The following TRAPPC3L variants were observed in gnomAD, a reference collection of about 807,000 sequenced individuals.
TRAPPC3L encodes trafficking protein particle complex subunit 3-like protein.
A neutral mutation model predicts 23.7 loss-of-function variants in TRAPPC3L; 23 were observed. That is an observed-to-expected ratio of 0.97 (90% confidence interval 0.70 to 1.37). TRAPPC3L has a LOEUF of 1.37. Ranked by LOEUF, TRAPPC3L falls within the 40% of genes most tolerant of loss-of-function variation. The probability of loss-of-function intolerance (pLI) is 0.00; values close to 1 mark genes in which losing one functional copy is unlikely to be tolerated. For synonymous variants in TRAPPC3L, 81 were observed against 77.9 expected (o/e 1.04, Z -0.21); for missense variants, 212 against 216.8 (o/e 0.98, Z 0.14).
chr6:116,506,503 C>T (rs1411916730), intron 3 of TRAPPC3L, among the ~76,000 whole-genome samples: 1 of 152,166 alleles, frequency 6.6e-6, no homozygotes, highest in Non-Finnish European at 1.5e-5. Flanking sequence ...ACCCAGCGAT[C>T]CCATTACTGG....
chr6:116,539,744 CG>C (rs1431108404), intron 3 of TRAPPC3L, among the ~76,000 whole-genome samples: 5 of 152,188 alleles, frequency 3.3e-5, no homozygotes, highest in Admixed American at 2.0e-4. Flanking sequence ...TGGAGACACG[CG>C]TATCTTCTGA....
At chr6:116,509,591 A>G (rs985242251) in intron 3 of TRAPPC3L, among the ~76,000 whole-genome samples, 3 of 152,196 alleles carry the variant, frequency 2.0e-5, no homozygotes, top group Admixed American at 6.5e-5. Flanking sequence ...CACTGTATCC[A>G]TTAAAAGGTG....
intron 3 of TRAPPC3L, among the ~76,000 whole-genome samples, chr6:116,507,071 G>C (rs1363592192): frequency 6.6e-6 from 1 of 150,558 alleles, no homozygotes; most frequent in African/African-American, 2.4e-5. Flanking sequence ...TATTGTAAGA[G>C]GATAATTTTC....
At chr6:116,512,055 T>C (rs756375802) in intron 3 of TRAPPC3L, 17 of 1,614,010 alleles carry the variant, frequency 1.1e-5, no homozygotes, top group Non-Finnish European at 1.4e-5. Context: ...GTGGCTCTGC[T>C]CAATGGAACT....
chr6:116,537,726 T>C (rs997150072), intron 3 of TRAPPC3L, among the ~76,000 whole-genome samples: 12 of 152,180 alleles, frequency 7.9e-5, no homozygotes. Flanking sequence ...GGCTACCTCC[T>C]GCAGAAGAAA....
chr6:116,502,746 C>A (rs978382358), intron 3 of TRAPPC3L, among the ~76,000 whole-genome samples: 5 of 152,178 alleles, frequency 3.3e-5, no homozygotes, highest in African/African-American at 1.2e-4. Flanking sequence ...AAAGTATTTT[C>A]AACACAGAAT....
chr6:116,508,034 T>C (rs1772036636), intron 3 of TRAPPC3L, among the ~76,000 whole-genome samples: 1 of 152,226 alleles, frequency 6.6e-6, no homozygotes, highest in Non-Finnish European at 1.5e-5. Flanking sequence ...AATGAAATTT[T>C]GTCAGCTTGA....
chr6:116,536,884 C>G (rs888463229), intron 3 of TRAPPC3L, among the ~76,000 whole-genome samples: 5 of 152,132 alleles, frequency 3.3e-5, no homozygotes, highest in Non-Finnish European at 7.3e-5. Flanking sequence ...TCTGCCTCCT[C>G]TGAGGAGAGT....
intron 3 of TRAPPC3L, among the ~76,000 whole-genome samples, chr6:116,507,313 T>G (rs1451415089): frequency 6.6e-6 from 1 of 152,158 alleles, no homozygotes; most frequent in African/African-American, 2.4e-5. Flanking sequence ...TAGGGGCAGA[T>G]TAGACCCAAG....
intron 3 of TRAPPC3L, among the ~76,000 whole-genome samples, chr6:116,509,577 A>G (rs1469812493): frequency 6.6e-6 from 1 of 152,206 alleles, no homozygotes; most frequent in Non-Finnish European, 1.5e-5. Flanking sequence ...AACTGGGGAA[A>G]GGACACTGTA....
intron 3 of TRAPPC3L, among the ~76,000 whole-genome samples, chr6:116,538,344 T>A (rs543552029): frequency 3.5e-4 from 54 of 152,366 alleles, no homozygotes; most frequent in African/African-American, 1.1e-3. Flanking sequence ...TCTCTGACCC[T>A]ACATCGTGTG....
At chr6:116,544,506 A>C (rs1261701172) in intron 1 of TRAPPC3L, among the ~76,000 whole-genome samples, 1 of 152,170 alleles carries the variant, frequency 6.6e-6, no homozygotes, top group Non-Finnish European at 1.5e-5. Context: ...GGAAAGGTCA[A>C]CATAAGTTTA....
rs975525934 is a variant in TRAPPC3L, at chr6:116,512,416, T to A, written c.241-11750A>T. On this transcript the variant is annotated intron_variant, in intron 3 of 4. Coordinates refer to ENST00000368602, the MANE Select transcript of TRAPPC3L (RefSeq NM_001139444.3). ...GCTTTTGAAAGGCTGGGTGGCTCAA[T>A]AAAGTTGCTGACTGGATTATCTCTT... 9 of 647,710 alleles carry A rather than the reference T, an allele frequency of 1.4e-5. No homozygotes were observed. The Admixed American group carries it at 1.8e-4, about 13-fold the overall frequency. The allele number at this position is 647,710 out of a possible 1,614,324, so 40.1% of individuals were successfully genotyped here.
intron 3 of TRAPPC3L, among the ~76,000 whole-genome samples, chr6:116,531,834 C>T (rs1250483509): frequency 6.7e-6 from 1 of 150,216 alleles, no homozygotes; most frequent in African/African-American, 2.4e-5. Flanking sequence ...ATGGAAAAAA[C>T]AATAATAAAT....
intron 3 of TRAPPC3L, among the ~76,000 whole-genome samples, chr6:116,525,539 G>A (rs887156638): frequency 1.3e-5 from 2 of 152,078 alleles, no homozygotes; most frequent in African/African-American, 4.8e-5. Context: ...ATATTTTAGA[G>A]TCCACCTTTC....
At chr6:116,508,970 A>G (rs1370388451) in intron 3 of TRAPPC3L, among the ~76,000 whole-genome samples, 2 of 152,158 alleles carry the variant, frequency 1.3e-5, no homozygotes, top group African/African-American at 4.8e-5. Context: ...AGATTTGATA[A>G]ATGAATTTAG....
intron 3 of TRAPPC3L, among the ~76,000 whole-genome samples, chr6:116,505,505 T>C (rs1037988466): frequency 3.9e-5 from 6 of 152,172 alleles, no homozygotes; most frequent in African/African-American, 2.4e-5. Context: ...CTTCACAGAA[T>C]TGGAAAAAAC....
At chr6:116,539,448 G>C (rs1773295056) in intron 3 of TRAPPC3L, among the ~76,000 whole-genome samples, 1 of 152,084 alleles carries the variant, frequency 6.6e-6, no homozygotes. Context: ...TTTTAATGTA[G>C]AATTTTTCCC....
intron 3 of TRAPPC3L, among the ~76,000 whole-genome samples, chr6:116,502,401 A>T (rs1389366965): frequency 1.3e-5 from 2 of 152,256 alleles, no homozygotes; most frequent in East Asian, 1.9e-4. Flanking sequence ...ACATTTGATC[A>T]GTGTACCTGA....
Sources: gnomAD v4.1 joint callset for allele counts (sites outside exome capture counted in the v4.1 genomes callset) on GRCh38, gnomAD v4.1.1 for gene constraint, MANE v1.5 for transcripts, NCBI Gene and HGNC (gene_info 2026-07-23, HGNC 2026-07-21) for gene names.